Variants in BRAT1 observed in about 807,000 individuals in gnomAD.
BRAT1 encodes BRCA1 associated ATM activator 1, also known as integrator complex assembly factor BRAT1.
Under a neutral mutation model 70.6 loss-of-function variants are expected in BRAT1, and 74 were observed. The ratio of observed to expected loss-of-function variants is 1.05; its 90% CI spans 0.87 to 1.27. The LOEUF is 1.27. BRAT1 is among the 50% of genes most tolerant of loss of function. BRAT1 has a pLI of 0.00. For synonymous variants in BRAT1, 615 were observed against 517.1 expected (o/e 1.19, Z -2.57); for missense variants, 1,203 against 1,098.2 (o/e 1.10, Z -1.35).
At position 2,545,010 on chromosome 7, in the gene BRAT1, C is replaced by G. The variant is rs777587491; in HGVS notation, c.329G>C (p.Gly110Ala). The G allele has an allele frequency of 6.5e-7, 1 of 1,545,856 alleles. No individual in the cohort carries two copies. Among genetic ancestry groups the G allele is most frequent in the Non-Finnish European group, 8.7e-7 (1 of 1,144,736 alleles). Residue 110 changes from glycine (G) to alanine (A), a missense_variant, in exon 4 of 14, where the codon GGC becomes GCC. Transcript: ENST00000340611. Reference sequence around the variant, plus strand: ...GGTGGGGACGGCCCAGGTTGCTCGGCCGAGGGGTCCTGGCTCCCCAAAGAG... The same window carrying G: ...GGTGGGGACGGCCCAGGTTGCTCGGGCGAGGGGTCCTGGCTCCCCAAAGAG... ...PGLFGEPGPL[G>A]RATWAVPTVR...
chr7:2,552,290 G>A (rs1780100518), intron 2 of BRAT1, among the ~76,000 whole-genome samples: 1 of 149,758 alleles, frequency 6.7e-6, no homozygotes, highest in Non-Finnish European at 1.5e-5. Context: ...GCTAATTCTT[G>A]TATTTTTAGT....
intron 2 of BRAT1, among the ~76,000 whole-genome samples, chr7:2,553,177 C>T (rs1780166076): frequency 6.6e-6 from 1 of 152,148 alleles, no homozygotes; most frequent in Non-Finnish European, 1.5e-5. Context: ...GATTACGGCG[C>T]ATGCCACCAT....
chr7:2,551,427 G>A (rs777171032), intron 2 of BRAT1, among the ~76,000 whole-genome samples: 5 of 151,240 alleles, frequency 3.3e-5, no homozygotes, highest in Admixed American at 6.6e-5. Flanking sequence ...ATGGTGGCTC[G>A]CTCCTGTAAT....
At chr7:2,542,247 G>C in intron 6 of BRAT1, 36 bp from the exon 7 acceptor site, 1 of 1,514,968 alleles carries the variant, frequency 6.6e-7, no homozygotes, top group Non-Finnish European at 9.0e-7. Flanking sequence ...CGCGACCCTG[G>C]CTGCGAGACA....
chr7:2,542,458 G>C, intron 6 of BRAT1: 1 of 554,802 alleles, frequency 1.8e-6, no homozygotes, highest in Admixed American at 3.3e-5. Flanking sequence ...GCCTCCAGGA[G>C]GGCCTGGCCA....
rs775308669 is a variant in BRAT1 at position 2,541,764 on chromosome 7, C to G, written c.1088G>C (p.Gly363Ala). The change falls in exon 8 of 14, where the codon GGC becomes GCC. Residue 363 changes from glycine (G) to alanine (A), a missense_variant. Transcript: ENST00000340611. ...TLLASKSSCA[G>A]LLCRTLAHLE... is the part of the protein sequence containing the mutation. Reference sequence around the variant, plus strand: ...GTGAGCCAGGGTGCGGCACAGGAGGCCGGCGCAGGACGACTTGGAGGCCAG... The same window carrying G: ...GTGAGCCAGGGTGCGGCACAGGAGGGCGGCGCAGGACGACTTGGAGGCCAG... 6.2e-7 allele frequency: 1 copy of G among 1,612,072 alleles called. No individual in the cohort carries two copies. Among genetic ancestry groups the G allele is most frequent in the Non-Finnish European group, 8.5e-7 (1 of 1,179,702 alleles).
chr7:2,537,850 G>A lies in BRAT1; in HGVS notation c.*219C>T. On this transcript the variant is annotated 3_prime_UTR_variant, in exon 14 of 14. Transcript: ENST00000340611. Reference sequence around the variant, plus strand: ...TTATTATTAAATTAACTCAAAAAGGGTTAAAGAAAGACTTCAATGCCATTT... The same window carrying A: ...TTATTATTAAATTAACTCAAAAAGGATTAAAGAAAGACTTCAATGCCATTT... 2 of 697,378 alleles carry A rather than the reference G, an allele frequency of 2.9e-6. No homozygotes were observed. The highest frequency in any genetic ancestry group is 2.1e-6 in the Non-Finnish European group (1 of 477,184). 43.2% of individuals were successfully genotyped at this position (697,378 alleles called of 1,614,324 possible).
Position 2,554,319 on chromosome 7 carries a change from G to C in BRAT1, c.113C>G (p.Thr38Arg). Residue 38 changes from threonine to arginine, a missense_variant, in exon 2 of 14, where the codon ACG (threonine) becomes AGG (arginine). Transcript: ENST00000340611. The part of the protein sequence containing the change: ...CLEKLLDWFK[T>R]VTEGESSVVL... Reference sequence around the variant, plus strand: ...CACCTCCTTACCTCCTTCAGTGACCGTTTTAAACCAGTCCAGGAGCTTCTC... The same window carrying C: ...CACCTCCTTACCTCCTTCAGTGACCCTTTTAAACCAGTCCAGGAGCTTCTC... 1 of 1,613,732 alleles carries C rather than the reference G, an allele frequency of 6.2e-7. No individual in the cohort carries two copies. Among genetic ancestry groups the C allele is most frequent in the South Asian group, 1.1e-5 (1 of 91,038 alleles).
intron 8 of BRAT1, 81 bp downstream of exon 8, chr7:2,541,637 G>A: frequency 6.7e-7 from 1 of 1,484,732 alleles, no homozygotes; most frequent in Non-Finnish European, 9.1e-7. Flanking sequence ...GGCAGCAAGG[G>A]GTGGGGGGCG....
intron 2 of BRAT1, among the ~76,000 whole-genome samples, chr7:2,547,980 A>G (rs1204609328): frequency 6.6e-6 from 1 of 151,722 alleles, no homozygotes; most frequent in African/African-American, 2.4e-5. Flanking sequence ...GCTAATTGGA[A>G]GGCTGAGGCA....
In BRAT1 at chr7:2,537,903, T is replaced by C; in HGVS notation, c.*166A>G. On this transcript the variant is annotated 3_prime_UTR_variant, in exon 14 of 14. Coordinates refer to ENST00000340611, the MANE Select transcript of BRAT1 (RefSeq NM_152743.4). ...TTTGAGTAGAAATAAGTCATTTCTT[T>C]AATACATCAAACTGTGGGATTTCTT... 2.6e-6 allele frequency: 3 copies of C among 1,167,362 alleles called. No individual in the cohort carries two copies. The highest frequency in any genetic ancestry group is 3.4e-6 in the Non-Finnish European group (3 of 888,444). 72.3% of individuals were successfully genotyped at this position (1,167,362 alleles called of 1,614,324 possible).
rs1173878448 is a variant in BRAT1, at chr7:2,544,953, GAGCGCAGGCCCTGGATCC to G, written c.368_385del (p.Trp123_Arg128del). 6.4e-7 allele frequency: 1 copy of G among 1,559,334 alleles called. No homozygotes were observed. Among genetic ancestry groups the G allele is most frequent in the Non-Finnish European group, 8.7e-7 (1 of 1,151,872 alleles). On this transcript the variant is annotated inframe_deletion, in exon 4 of 14. Transcript: ENST00000340611. ...CAGGGCGCTGGGGTGCTGTGCCAGG[GAGCGCAGGCCCTGGATCC>G]AGCCGCTGCGCACGGTGGGGACGGC...
Position 2,543,587 on chromosome 7 carries a change from G to C in BRAT1, c.803+3C>G. ...CCCCCCAGCTGCGTCCCGGGGCCCT[G>C]ACCGAGCCACACAGAGAAGCAGGTC... On this transcript the variant is annotated splice_donor_region_variant and intron_variant, in intron 5 of 13. Transcript: ENST00000340611. This position sits in a 1 kb window ranked among gnomAD's most constrained non-coding sequence, Gnocchi z 5.5. 6.6e-7 allele frequency: 1 copy of C among 1,511,072 alleles called. No homozygotes were observed. 93.6% of individuals were successfully genotyped at this position (1,511,072 alleles called of 1,614,324 possible). A position where few individuals can be genotyped will look rare whatever the true frequency, so the allele number is the denominator to read the frequency against.
At chr7:2,541,689 G>T in intron 8 of BRAT1, 29 bp downstream of exon 8, 1 of 1,587,380 alleles carries the variant, frequency 6.3e-7, no homozygotes. Context: ...GGATGCTGCT[G>T]GGCTGCATGA....
At position 2,544,984 on chromosome 7, in the gene BRAT1, C is replaced by G. The variant is rs756690295; in HGVS notation, c.355G>C (p.Val119Leu). The G allele has an allele frequency of 6.4e-7, 1 of 1,567,416 alleles. No homozygotes were observed. Among genetic ancestry groups the G allele is most frequent in the Non-Finnish European group, 8.6e-7 (1 of 1,156,348 alleles). ...AGGCCCTGGATCCAGCCGCTGCGCA[C>G]GGTGGGGACGGCCCAGGTTGCTCGG... Reference protein sequence around the residue: ...LGRATWAVPTVRSGWIQGLRS... With the variant: ...LGRATWAVPTLRSGWIQGLRS... The change falls in exon 4 of 14, where the codon GTG becomes CTG. Residue 119 changes from valine to leucine, a missense_variant. Coordinates refer to ENST00000340611, the MANE Select transcript of BRAT1 (RefSeq NM_152743.4).
At chr7:2,542,325 C>G in intron 6 of BRAT1, 114 bp from the exon 7 acceptor site, 2 of 860,618 alleles carry the variant, frequency 2.3e-6, no homozygotes, top group Non-Finnish European at 3.7e-6. Flanking sequence ...GGACACCCCC[C>G]GAGAAACATT....
In BRAT1 at chr7:2,541,314, C is replaced by A. The variant is rs145506790; in HGVS notation, c.1305G>T (p.Thr435=). The change falls in exon 9 of 14, where the codon ACG becomes ACT. Residue 435 remains threonine (T), a synonymous_variant. Transcript: ENST00000340611. ...VQRAALDFLG[T]LSQGTGPQEL... is the part of the protein sequence containing the mutation. Reference sequence around the variant, plus strand: ...CACACTCACCTGTCCCCTGTGACAGCGTCCCCAGGAAGTCGAGGGCTGCTC... The same window carrying A: ...CACACTCACCTGTCCCCTGTGACAGAGTCCCCAGGAAGTCGAGGGCTGCTC... 6.2e-4 allele frequency: 994 copies of A among 1,593,212 alleles called. 6 individuals carry two copies. The African/African-American group carries it at 0.012, about 19-fold the overall frequency.
chr7:2,544,204 T>G, intron 4 of BRAT1: 3 of 353,212 alleles, frequency 8.5e-6, no homozygotes, highest in Non-Finnish European at 1.5e-5. Context: ...CTTGTTGTTT[T>G]TTTTTTTTTT....
rs191610171 is a variant in BRAT1 at position 2,541,416 on chromosome 7, A to G, written c.1203T>C (p.Cys401=). ...TGGAGGCAGGGGCAGCCGAGCCGTC[A>G]CAGAGCCGCAGGACAGTCACTGTAG... ...LGATVTVLRL[C]DGSAAPASSV... The change falls in exon 9 of 14, where the codon TGT becomes TGC. Residue 401 remains cysteine, a synonymous_variant. Coordinates refer to ENST00000340611, the MANE Select transcript of BRAT1 (RefSeq NM_152743.4). 17 of 1,593,422 alleles carry G rather than the reference A, an allele frequency of 1.1e-5. No individual in the cohort carries two copies. The highest frequency in any genetic ancestry group is 1.5e-5 in the Non-Finnish European group (17 of 1,171,402).
Sources: allele counts gnomAD v4.1 joint callset (sites outside exome capture counted in the v4.1 genomes callset), GRCh38; gene constraint gnomAD v4.1.1; non-coding constraint Gnocchi (gnomAD v3.1); transcripts MANE v1.5; gene names NCBI Gene and HGNC (gene_info 2026-07-23, HGNC 2026-07-21).